NALF1: variants seen among roughly 807,000 people sequenced by gnomAD.
NALF1 encodes the protein NALCN channel auxiliary factor 1, also known as family with sequence similarity 155 member A.
Under a neutral mutation model 48.4 loss-of-function variants are expected in NALF1, and 3 were observed. The ratio of observed to expected loss-of-function variants is 0.06; its 90% confidence interval spans 0.03 to 0.16. The LOEUF (loss-of-function observed/expected upper bound fraction) is 0.16. Ranked by LOEUF, NALF1 falls within the 10% of genes least tolerant of loss-of-function variation. NALF1 has a pLI of 1.00. For synonymous variants in NALF1, 262 were observed against 245.7 expected (o/e 1.07, Z -0.62); for missense variants, 526 against 571.5 (o/e 0.92, Z 0.81).
At chr13:107,506,239 G>T (rs1875692973) in intron 1 of NALF1, among the ~76,000 whole-genome samples, 1 of 151,918 alleles carries the variant, frequency 6.6e-6, no homozygotes, top group Non-Finnish European at 1.5e-5. Flanking sequence ...GTCCAGAAAG[G>T]CCTTTAAGTA....
At chr13:107,690,666 A>C (rs1204802908) in intron 1 of NALF1, among the ~76,000 whole-genome samples, 2 of 152,212 alleles carry the variant, frequency 1.3e-5, no homozygotes, top group Non-Finnish European at 2.9e-5. Context: ...AGTTTACTAA[A>C]TATGGTCAGA....
At chr13:107,799,065 A>G (rs921659701) in intron 1 of NALF1, among the ~76,000 whole-genome samples, 1 of 152,162 alleles carries the variant, frequency 6.6e-6, no homozygotes, top group Non-Finnish European at 1.5e-5. Flanking sequence ...AGTAGTCCAC[A>G]TCGGCTTGCT....
rs111959227 is a variant in NALF1 at position 107,464,299 on chromosome 13, A to G, written c.916-253544T>C. ...ATAAAAGTTTGCTGTTACTATTAATACACATGAAGATGAATGAAATTTAAA... is the reference window on the plus strand; with the variant it reads ...ATAAAAGTTTGCTGTTACTATTAATGCACATGAAGATGAATGAAATTTAAA... On this transcript the variant is annotated intron_variant, in intron 1 of 2. Coordinates refer to ENST00000375915, the MANE Select transcript of NALF1 (RefSeq NM_001080396.3). Among the ~76,000 whole-genome samples, 1,092 of 152,282 alleles carry G rather than the reference A, an allele frequency of 7.2e-3. 11 individuals are homozygous for G. Among genetic ancestry groups the G allele is most frequent in the Non-Finnish European group, 0.012 (827 of 68,022 alleles).
At chr13:107,425,687 A>G (rs980935600) in intron 1 of NALF1, among the ~76,000 whole-genome samples, 1 of 152,124 alleles carries the variant, frequency 6.6e-6, no homozygotes, top group Non-Finnish European at 1.5e-5. Flanking sequence ...GGAAATCTAC[A>G]TATTATGATA....
At chr13:107,660,400 C>T (rs1880696577) in intron 1 of NALF1, among the ~76,000 whole-genome samples, 1 of 150,802 alleles carries the variant, frequency 6.6e-6, no homozygotes, top group East Asian at 2.0e-4. Flanking sequence ...CACCACTGCA[C>T]TCCAGCCAGG....
chr13:107,798,470 ATTATCAATCTCTTCTTTCCTTCCC>A (rs1225925265), intron 1 of NALF1, among the ~76,000 whole-genome samples: 1 of 152,152 alleles, frequency 6.6e-6, no homozygotes, highest in Non-Finnish European at 1.5e-5. Context: ...TAGCACAATT[ATTATCAATCTCTTCTTTCCTTCCC>A]TTATCAATCT....
chr13:107,244,383 A>G (rs760942638), intron 1 of NALF1, among the ~76,000 whole-genome samples: 5 of 152,238 alleles, frequency 3.3e-5, no homozygotes, highest in Non-Finnish European at 7.3e-5. Flanking sequence ...CTTCTTATGT[A>G]AAAGCTATAT....
intron 1 of NALF1, among the ~76,000 whole-genome samples, chr13:107,829,138 C>T (rs1271982439): frequency 1.3e-5 from 2 of 152,092 alleles, no homozygotes. Flanking sequence ...ATATGAAATA[C>T]CAGAGAGATC....
At chr13:107,460,099 G>GT (rs1425128002) in intron 1 of NALF1, among the ~76,000 whole-genome samples, 1 of 152,122 alleles carries the variant, frequency 6.6e-6, no homozygotes, top group African/African-American at 2.4e-5. Context: ...CTTGTATTTT[G>GT]GAACCAAACC....
intron 1 of NALF1, among the ~76,000 whole-genome samples, chr13:107,558,404 TGTATAGTATA>T (rs1436865741): frequency 2.6e-5 from 4 of 152,204 alleles, no homozygotes; most frequent in African/African-American, 9.7e-5. Flanking sequence ...GACAGCTATA[TGTATAGTATA>T]GTATTCCAAT....
At chr13:107,719,675 T>C (rs1875927277) in intron 1 of NALF1, among the ~76,000 whole-genome samples, 1 of 152,120 alleles carries the variant, frequency 6.6e-6, no homozygotes, top group South Asian at 2.1e-4. Context: ...AATATCTCAT[T>C]GCTCATAATG....
intron 1 of NALF1, among the ~76,000 whole-genome samples, chr13:107,793,227 C>G (rs770424762): frequency 6.6e-6 from 1 of 152,098 alleles, no homozygotes; most frequent in Non-Finnish European, 1.5e-5. Flanking sequence ...GATAGCAGGG[C>G]TGTTGATTTT....
At chr13:107,494,827 G>A (rs1875272243) in intron 1 of NALF1, among the ~76,000 whole-genome samples, 1 of 152,074 alleles carries the variant, frequency 6.6e-6, no homozygotes, top group Non-Finnish European at 1.5e-5. Context: ...ACAACCAATT[G>A]GATTAGGGGG....
chr13:107,201,952 C>T (rs939731216), intron 2 of NALF1, among the ~76,000 whole-genome samples: 4 of 152,064 alleles, frequency 2.6e-5, no homozygotes, highest in Non-Finnish European at 4.4e-5. Context: ...TGCCTGGGTT[C>T]GTCACTCTTT....
rs575727233 is a variant in NALF1, at chr13:107,354,989, T to C, written c.916-144234A>G. Among the ~76,000 whole-genome samples the C allele has an allele frequency of 1.2e-3, 184 of 152,272 alleles. 2 individuals carry two copies. The highest frequency in any genetic ancestry group is 1.5e-4 in the Non-Finnish European group (10 of 68,026). On this transcript the variant is annotated intron_variant, in intron 1 of 2. Transcript: ENST00000375915. Reference sequence around the variant, plus strand: ...ACGTCACTCAAGGTTTGGAGAGGACTAAGGATTTCAGCAGGGCATGGATTT... The same window carrying C: ...ACGTCACTCAAGGTTTGGAGAGGACCAAGGATTTCAGCAGGGCATGGATTT...
chr13:107,763,097 A>C (rs1877312996), intron 1 of NALF1, among the ~76,000 whole-genome samples: 1 of 151,882 alleles, frequency 6.6e-6, no homozygotes, highest in Admixed American at 6.6e-5. Flanking sequence ...AAATAAACTC[A>C]TCATTTTTCT....
At chr13:107,316,253 T>C (rs554389016) in intron 1 of NALF1, among the ~76,000 whole-genome samples, 7 of 152,344 alleles carry the variant, frequency 4.6e-5, no homozygotes, top group African/African-American at 9.6e-5. Context: ...CTGCATAGTA[T>C]TCCATGGTGT....
chr13:107,534,918 G>A (rs1000195369), intron 1 of NALF1, among the ~76,000 whole-genome samples: 26 of 152,084 alleles, frequency 1.7e-4, no homozygotes, highest in Non-Finnish European at 3.5e-4. Flanking sequence ...ATTTCTGCAG[G>A]TTGTTGGTGT....
intron 1 of NALF1, among the ~76,000 whole-genome samples, chr13:107,436,802 CATG>C (rs1884470479): frequency 6.6e-6 from 1 of 152,078 alleles, no homozygotes; most frequent in Non-Finnish European, 1.5e-5. Flanking sequence ...TTGCAGATGA[CATG>C]ATTGTTTATG....
Sources: allele counts gnomAD v4.1 joint callset (sites outside exome capture counted in the v4.1 genomes callset), GRCh38; gene constraint gnomAD v4.1.1; transcripts MANE v1.5; gene names NCBI Gene and HGNC (gene_info 2026-07-23, HGNC 2026-07-21).